DNAI2: variants seen among roughly 807,000 people sequenced by gnomAD.
The protein encoded by DNAI2 is dynein axonemal intermediate chain 2, also known as dynein, axonemal, intermediate polypeptide 2.
Under a neutral mutation model 74.7 loss-of-function variants are expected in DNAI2, and 63 were observed. That is an observed-to-expected ratio of 0.84 (90% CI 0.69 to 1.04). The LOEUF is 1.04. DNAI2 is among the 50% of genes least tolerant of loss of function. The pLI is 0.00. For synonymous variants in DNAI2, 289 were observed against 314.9 expected (o/e 0.92, Z 0.87); for missense variants, 688 against 803.2 (o/e 0.86, Z 1.73).
In DNAI2 at chr17:74,314,634, C is replaced by A. The variant is rs2053724979; in HGVS notation, c.*101C>A. ...GGCCATGGCAGGGCCTCGGGAAGAC[C>A]TTCAGGAGTGGGGAAGGGTTTCTCC... On this transcript the variant is annotated 3_prime_UTR_variant, in exon 14 of 14. Transcript: ENST00000311014. 3.1e-5 allele frequency: 8 copies of A among 259,838 alleles called. No individual in the cohort carries two copies. The South Asian group carries it at 3.6e-4, about 12-fold the overall frequency. 16.1% of individuals were successfully genotyped at this position (259,838 alleles called of 1,614,324 possible). A position where few individuals can be genotyped will look rare whatever the true frequency, so the allele number is the denominator to read the frequency against.
intron 1 of DNAI2, among the ~76,000 whole-genome samples, chr17:74,276,071 T>A (rs776194595): frequency 2.6e-5 from 4 of 152,098 alleles, no homozygotes; most frequent in Non-Finnish European, 5.9e-5. Context: ...GCTTGCCTCC[T>A]TCCCAGTCTC....
At chr17:74,294,298 C>CTTTTTTTT (rs113049803) in intron 6 of DNAI2, among the ~76,000 whole-genome samples, 2 of 139,652 alleles carry the variant, frequency 1.4e-5, no homozygotes, top group Admixed American at 7.2e-5. Flanking sequence ...CTTATCATTT[C>CTTTTTTTT]TTTTTTTTTT....
At chr17:74,309,492 G>T in intron 10 of DNAI2, 104 bp downstream of exon 10, 2 of 1,512,338 alleles carry the variant, frequency 1.3e-6, no homozygotes, top group South Asian at 2.3e-5. Context: ...TGTGTGGCCA[G>T]GTGTGTTTGG....
intron 1 of DNAI2, among the ~76,000 whole-genome samples, chr17:74,281,277 G>C (rs1180859591): frequency 6.6e-6 from 1 of 151,778 alleles, no homozygotes; most frequent in East Asian, 1.9e-4. Context: ...TATTTATTTT[G>C]AGACAGAGTC....
At chr17:74,293,488 C>T (rs1234304486) in intron 6 of DNAI2, among the ~76,000 whole-genome samples, 3 of 151,946 alleles carry the variant, frequency 2.0e-5, no homozygotes, top group Non-Finnish European at 4.4e-5. Flanking sequence ...TTACCATTTG[C>T]ATGGTATATC....
At chr17:74,312,515 G>A (rs2053595360) in intron 12 of DNAI2, among the ~76,000 whole-genome samples, 1 of 152,156 alleles carries the variant, frequency 6.6e-6, no homozygotes, top group South Asian at 2.1e-4. Context: ...TGCGTGTTGA[G>A]TGACTGAACG....
chr17:74,279,581 G>A (rs534160949), intron 1 of DNAI2, among the ~76,000 whole-genome samples: 16 of 152,282 alleles, frequency 1.1e-4, no homozygotes, highest in Non-Finnish European at 2.2e-4. Flanking sequence ...AGGCTGGAGT[G>A]CAGTGGCACA....
At chr17:74,277,388 A>C (rs1381942789) in intron 1 of DNAI2, among the ~76,000 whole-genome samples, 1 of 37,126 alleles carries the variant, frequency 2.7e-5, no homozygotes, top group Non-Finnish European at 4.8e-5. Flanking sequence ...CCATCTCAAA[A>C]AAAAAAAAAA....
At chr17:74,302,524 A>G (rs1466690581) in intron 8 of DNAI2, among the ~76,000 whole-genome samples, 5 of 152,104 alleles carry the variant, frequency 3.3e-5, no homozygotes, top group African/African-American at 1.2e-4. Context: ...CCAAGATCGC[A>G]TCATTGCACT....
intron 1 of DNAI2, among the ~76,000 whole-genome samples, chr17:74,279,376 G>C (rs372767763): frequency 6.6e-6 from 1 of 152,130 alleles, no homozygotes; most frequent in Non-Finnish European, 1.5e-5. Flanking sequence ...TGAGGGGATG[G>C]ATGGATACCC....
chr17:74,312,207 G>T lies in DNAI2; in HGVS notation c.1699G>T (p.Ala567Ser). 1 of 1,591,098 alleles carries T rather than the reference G, an allele frequency of 6.3e-7. No homozygotes were observed. The highest frequency in any genetic ancestry group is 8.5e-7 in the Non-Finnish European group (1 of 1,171,950). Residue 567 changes from alanine to serine, a missense_variant, in exon 12 of 14, where the codon GCC becomes TCC. By Grantham distance (99) the Ala-to-Ser change is moderately conservative. Transcript: ENST00000311014. ...FAELKKKEAD[A>S]IKLTPVPQQP... The stretch of plus-strand genomic sequence containing the variant: ...AGAGCTGAAGAAGAAGGAGGCAGAC[G>T]CCATAAAGCTGACGCCAGTGCCTGT...
At chr17:74,290,306 A>T (rs1249699533) in intron 5 of DNAI2, among the ~76,000 whole-genome samples, 1 of 152,102 alleles carries the variant, frequency 6.6e-6, no homozygotes, top group Non-Finnish European at 1.5e-5. Flanking sequence ...ACAGAGTGAG[A>T]CTCTATCTCA....
chr17:74,296,254 C>A (rs1360392585), intron 6 of DNAI2, among the ~76,000 whole-genome samples: 1 of 149,650 alleles, frequency 6.7e-6, no homozygotes, highest in Non-Finnish European at 1.5e-5. Context: ...GCGGGAGGAT[C>A]GCCTGCATTC....
intron 1 of DNAI2, among the ~76,000 whole-genome samples, chr17:74,275,087 G>A (rs542825287): frequency 3.9e-5 from 6 of 152,304 alleles, no homozygotes; most frequent in East Asian, 1.9e-4. Context: ...CCTGGTAGGC[G>A]CTGGTATCAC....
intron 4 of DNAI2, 88 bp downstream of exon 4, chr17:74,287,186 A>T: frequency 6.4e-7 from 1 of 1,561,430 alleles, no homozygotes; most frequent in African/African-American, 1.4e-5. Flanking sequence ...CCATCGCTGC[A>T]TGCCCTGGGT....
In DNAI2 at chr17:74,295,233, T is replaced by TAAAAAAAAAAAAA. The variant is rs57143936; in HGVS notation, c.724+4107_724+4119dup. Among the ~76,000 whole-genome samples, 55 of 112,340 alleles carry TAAAAAAAAAAAAA rather than the reference T, an allele frequency of 4.9e-4. 1 individual carries two copies. Among genetic ancestry groups the TAAAAAAAAAAAAA allele is most frequent in the South Asian group, 1.3e-3 (4 of 2,988 alleles). The allele number at this position is 112,340 out of a possible 152,430, so 73.7% of individuals were successfully genotyped here. A position where few individuals can be genotyped will look rare whatever the true frequency, so the allele number is the denominator to read the frequency against. On this transcript the variant is annotated intron_variant, in intron 6 of 13. Coordinates refer to ENST00000311014, the MANE Select transcript of DNAI2 (RefSeq NM_023036.6). Reference sequence around the variant, plus strand: ...AACATGGTCAAACCCCATCTCTACTTAAAAAAAAAAAAAAAAAAATCAGCC... The same window carrying TAAAAAAAAAAAAA: ...AACATGGTCAAACCCCATCTCTACTTAAAAAAAAAAAAAAAAAAAAAAAAAAAAAAAATCAGCC...
chr17:74,314,131 G>A lies in DNAI2; in HGVS notation c.1733G>A (p.Ser578Asn). The A allele has an allele frequency of 6.2e-7, 1 of 1,614,182 alleles. No individual in the cohort carries two copies. The highest frequency in any genetic ancestry group is 8.5e-7 in the Non-Finnish European group (1 of 1,180,018). Residue 578 changes from serine (S) to asparagine (N), a missense_variant, in exon 13 of 14, where the codon AGT becomes AAT. Coordinates refer to ENST00000311014, the MANE Select transcript of DNAI2 (RefSeq NM_023036.6). ...IKLTPVPQQP[S>N]PEEDQVVEEG... ...TGTCTTCCCCTGCAGCAGCAACCAAGTCCAGAAGAAGACCAGGTGGTGGAG... is the reference window on the plus strand; with the variant it reads ...TGTCTTCCCCTGCAGCAGCAACCAAATCCAGAAGAAGACCAGGTGGTGGAG...
At chr17:74,312,633 T>G (rs1471052590) in intron 12 of DNAI2, among the ~76,000 whole-genome samples, 1 of 152,130 alleles carries the variant, frequency 6.6e-6, no homozygotes, top group Non-Finnish European at 1.5e-5. Context: ...ACATTAGCGG[T>G]GTGCACGTCA....
chr17:74,296,765 C>T (rs1358659238), intron 6 of DNAI2, among the ~76,000 whole-genome samples: 1 of 152,210 alleles, frequency 6.6e-6, no homozygotes, highest in Non-Finnish European at 1.5e-5. Flanking sequence ...GCTCCAGCCT[C>T]ATTCTGCTCC....
Sources: allele counts gnomAD v4.1 joint callset (sites outside exome capture counted in the v4.1 genomes callset), GRCh38; gene constraint gnomAD v4.1.1; transcripts MANE v1.5; gene names NCBI Gene and HGNC (gene_info 2026-07-23, HGNC 2026-07-21).